The following TEAD2 variants were observed in gnomAD, a reference collection of about 807,000 sequenced individuals.
The protein encoded by TEAD2 is TEA domain transcription factor 2.
TEAD2 carries 51 observed loss-of-function variants against 61.4 expected under a neutral mutation model. The ratio of observed to expected loss-of-function variants is 0.83; its 90% confidence interval spans 0.66 to 1.05. TEAD2 has a LOEUF of 1.05. Ranked by LOEUF, TEAD2 falls within the 50% of genes least tolerant of loss-of-function variation. TEAD2 has a pLI of 0.00. For missense variants in TEAD2, 509 were observed against 600.0 expected (o/e 0.85, Z 1.58); for synonymous variants, 244 against 243.2 (o/e 1.00, Z -0.03).
intron 1 of TEAD2, chr19:49,360,361 G>C (rs1236095380): frequency 4.4e-6 from 2 of 456,440 alleles, no homozygotes; most frequent in Non-Finnish European, 7.8e-6. Flanking sequence ...CTGAGGGAGC[G>C]GGGGCTGGAG....
chr19:49,342,290 T>C, intron 12 of TEAD2, 148 bp downstream of exon 12: 1 of 1,071,778 alleles, frequency 9.3e-7, no homozygotes, highest in South Asian at 1.6e-5. Flanking sequence ...ATCAGTTTCC[T>C]AGTTAAAAGA....
At chr19:49,360,225 T>TG (rs1446638929) in intron 1 of TEAD2, 144 bp from the exon 2 acceptor site, 3 of 654,264 alleles carry the variant, frequency 4.6e-6, no homozygotes, top group East Asian at 2.7e-5. Context: ...GAAGAGGAGC[T>TG]GGGGGGTATT....
chr19:49,360,973 A>G (rs1972840073), intron 1 of TEAD2, among the ~76,000 whole-genome samples: 1 of 103,740 alleles, frequency 9.6e-6, no homozygotes, highest in East Asian at 3.4e-4. Context: ...GAGGGGACAG[A>G]GACCCAGAGA....
chr19:49,351,209 T>C, intron 8 of TEAD2, 92 bp downstream of exon 8: 3 of 1,231,802 alleles, frequency 2.4e-6, no homozygotes, highest in Non-Finnish European at 3.4e-6. Flanking sequence ...AAAAAAACAA[T>C]GTATCCCTCA....
chr19:49,348,887 T>G (rs1971824453), intron 8 of TEAD2, 42 bp from the exon 9 acceptor site: 1 of 1,458,796 alleles, frequency 6.9e-7, no homozygotes, highest in African/African-American at 1.4e-5. Context: ...TGCTAACATT[T>G]ATGGAATATA....
intron 5 of TEAD2, 26 bp from the exon 6 acceptor site, chr19:49,355,445 T>C (rs944312838): frequency 6.3e-7 from 1 of 1,591,882 alleles, no homozygotes; most frequent in Non-Finnish European, 8.6e-7. Context: ...GAAGTTCATG[T>C]GAGAGGGGCA....
chr19:49,355,283 C>T, intron 6 of TEAD2, 29 bp downstream of exon 6: 2 of 1,613,892 alleles, frequency 1.2e-6, no homozygotes, highest in Admixed American at 1.7e-5. Flanking sequence ...CCTTTGCCCC[C>T]ACGTCCCACA....
At chr19:49,342,981 C>T (rs986930954) in intron 11 of TEAD2, among the ~76,000 whole-genome samples, 1 of 152,096 alleles carries the variant, frequency 6.6e-6, no homozygotes, top group African/African-American at 2.4e-5. Context: ...AGAACCTCTC[C>T]ATATCCATAA....
At chr19:49,360,939 AG>A (rs1375748596) in intron 1 of TEAD2, among the ~76,000 whole-genome samples, 8 of 83,802 alleles carry the variant, frequency 9.5e-5, no homozygotes, top group Non-Finnish European at 1.3e-4. Context: ...GACCCAGTGA[AG>A]GGGGGGACAG....
chr19:49,345,354 T>G (rs1971563880), intron 10 of TEAD2, among the ~76,000 whole-genome samples: 2 of 152,082 alleles, frequency 1.3e-5, no homozygotes, highest in South Asian at 4.2e-4. Context: ...CCTTCTTCCT[T>G]TCTTCCTTTC....
At chr19:49,355,495 G>T in intron 5 of TEAD2, 76 bp from the exon 6 acceptor site, 2 of 1,256,152 alleles carry the variant, frequency 1.6e-6, no homozygotes, top group Non-Finnish European at 1.1e-6. Flanking sequence ...TGCCAGGGTG[G>T]GGTGAAGACG....
At chr19:49,344,199 T>C (rs1239484236) in intron 10 of TEAD2, among the ~76,000 whole-genome samples, 1 of 151,880 alleles carries the variant, frequency 6.6e-6, no homozygotes, top group Non-Finnish European at 1.5e-5. Context: ...TCCATCAGCG[T>C]TGAAGAAGTC....
rs1427958880 is a variant in TEAD2, at chr19:49,357,131, A to C, written c.360+121T>G. ...CTCTGTCCCTTTCTCTCTGGGTCTC[A>C]GTCCTCCCCGCTCTAAGTCTCTGTC... is the stretch of plus-strand genomic sequence containing the variant. On this transcript the variant is annotated intron_variant, in intron 4 of 12. Transcript: ENST00000593945. The C allele has an allele frequency of 5.6e-6, 4 of 714,188 alleles. No individual in the cohort carries two copies. In the East Asian group the frequency reaches 1.7e-4, roughly 31 times the overall value. The allele number at this position is 714,188 out of a possible 1,614,324, so 44.2% of individuals were successfully genotyped here.
intron 11 of TEAD2, among the ~76,000 whole-genome samples, chr19:49,342,794 C>A (rs1971386051): frequency 6.6e-6 from 1 of 152,072 alleles, no homozygotes; most frequent in Admixed American, 6.6e-5. Context: ...CTGCAAATCA[C>A]AAGCCCCTCA....
rs757653630 is a variant in TEAD2 at position 49,348,837 on chromosome 19, G to A, written c.613C>T (p.Pro205Ser). 2.6e-6 allele frequency: 4 copies of A among 1,558,866 alleles called. No individual in the cohort carries two copies. In the South Asian group the frequency reaches 3.6e-5, roughly 14 times the overall value. ...PPSTDLPGYE[P>S]PQALSPLPPP... ...GGCAGGGGTGAGAGGGCTTGGGGGG[G>A]CTCGTACCCTAGAGAGAGAGAAGAA... The change falls in exon 9 of 13, where the codon CCC becomes TCC. Residue 205 changes from proline (P) to serine (S), a missense_variant. Coordinates refer to ENST00000593945, the MANE Select transcript of TEAD2 (RefSeq NM_001256660.2).
chr19:49,352,435 G>A (rs751232582), intron 7 of TEAD2, among the ~76,000 whole-genome samples: 2 of 152,174 alleles, frequency 1.3e-5, no homozygotes, highest in Non-Finnish European at 1.5e-5. Flanking sequence ...CAGACCAGGC[G>A]CAGTCGCTCA....
chr19:49,351,624 C>G (rs571409342), intron 7 of TEAD2, among the ~76,000 whole-genome samples: 1 of 152,266 alleles, frequency 6.6e-6, no homozygotes, highest in Non-Finnish European at 1.5e-5. Context: ...GAACCCAGGT[C>G]AGTCTCAGCC....
At chr19:49,344,383 C>T (rs565097168) in intron 10 of TEAD2, among the ~76,000 whole-genome samples, 2 of 151,974 alleles carry the variant, frequency 1.3e-5, no homozygotes, top group Non-Finnish European at 2.9e-5. Flanking sequence ...CGGGTTCAAG[C>T]GATTCTCCTG....
Position 49,355,987 on chromosome 19 carries a change from G to A in TEAD2, c.361-17C>T, listed in dbSNP as rs1972366131. On this transcript the variant is annotated splice_polypyrimidine_tract_variant and intron_variant, in intron 4 of 12. Transcript: ENST00000593945. ...GTTCAGAGCCTGCCCGTGGGGGTGG[G>A]GGAGGGTGCCAAAGGAGGAAAGAAA... 1 of 1,255,072 alleles carries A rather than the reference G, an allele frequency of 8.0e-7. No individual in the cohort carries two copies. The highest frequency in any genetic ancestry group is 3.4e-5 in the South Asian group (1 of 29,146). The allele number at this position is 1,255,072 out of a possible 1,614,324, so 77.7% of individuals were successfully genotyped here. A position where few individuals can be genotyped will look rare whatever the true frequency, so the allele number is the denominator to read the frequency against.
Sources: allele counts gnomAD v4.1 joint callset (sites outside exome capture counted in the v4.1 genomes callset), GRCh38; gene constraint gnomAD v4.1.1; transcripts MANE v1.5; gene names NCBI Gene and HGNC (gene_info 2026-07-23, HGNC 2026-07-21).